MYO9B: variants seen among roughly 807,000 people sequenced by gnomAD.
The protein encoded by MYO9B is unconventional myosin-IXb.
MYO9B carries 71 observed loss-of-function variants against 229.5 expected under a neutral mutation model. The ratio of observed to expected loss-of-function variants is 0.31; its 90% CI spans 0.26 to 0.38. The LOEUF is 0.38. Ranked by LOEUF, MYO9B falls within the 10% of genes least tolerant of loss-of-function variation. The pLI is 1.00. For synonymous variants in MYO9B, 1,185 were observed against 1,235.8 expected (o/e 0.96, Z 0.86); for missense variants, 2,255 against 2,920.5 (o/e 0.77, Z 5.25).
At chr19:17,204,768 A>G (rs1205474951) in intron 30 of MYO9B, among the ~76,000 whole-genome samples, 1 of 152,090 alleles carries the variant, frequency 6.6e-6, no homozygotes, top group East Asian at 1.9e-4. Context: ...TGGGAGGTCA[A>G]GGCTCCAGTG....
chr19:17,112,933 A>G (rs1265234869), intron 2 of MYO9B, among the ~76,000 whole-genome samples: 1 of 152,210 alleles, frequency 6.6e-6, no homozygotes, highest in African/African-American at 2.4e-5. Context: ...ATTGGGGGGC[A>G]TTTCAGGGAT....
rs1426898922 is a variant in MYO9B at position 17,131,788 on chromosome 19, G to A, written c.841-13609G>A. Among the ~76,000 whole-genome samples the A allele has an allele frequency of 3.3e-5, 5 of 152,048 alleles. No homozygotes were observed. In the South Asian group the frequency reaches 6.2e-4, roughly 19 times the overall value. ...TCTACGTTAGTTTTACCTAGAAACC[G>A]TGACTGGGGGGAAGCTGAATTATGA... On this transcript the variant is annotated intron_variant, in intron 2 of 39. Transcript: ENST00000682292.
chr19:17,118,120 G>C (rs1266960300), intron 2 of MYO9B, among the ~76,000 whole-genome samples: 1 of 151,962 alleles, frequency 6.6e-6, no homozygotes, highest in South Asian at 2.1e-4. Context: ...TAGAGGCCAA[G>C]ATGCTGCTAA....
At chr19:17,145,949 TG>T (rs2072403792) in intron 3 of MYO9B, among the ~76,000 whole-genome samples, 3 of 150,250 alleles carry the variant, frequency 2.0e-5, no homozygotes, top group Non-Finnish European at 4.4e-5. Context: ...GATGGATGGA[TG>T]GATGATGGAT....
intron 14 of MYO9B, among the ~76,000 whole-genome samples, chr19:17,178,668 T>G (rs2072818360): frequency 6.6e-6 from 1 of 152,166 alleles, no homozygotes; most frequent in Non-Finnish European, 1.5e-5. Context: ...TGCTCAAGCC[T>G]AAGCCCACAG....
At chr19:17,132,025 A>G (rs948645765) in intron 2 of MYO9B, among the ~76,000 whole-genome samples, 1 of 151,472 alleles carries the variant, frequency 6.6e-6, no homozygotes, top group Admixed American at 6.6e-5. Context: ...GACTAGAGGC[A>G]TGCATCACCA....
rs747369669 is a variant in MYO9B, at chr19:17,195,196, G to A, written c.3769G>A (p.Asp1257Asn). 4.8e-5 allele frequency: 78 copies of A among 1,611,756 alleles called. No homozygotes were observed. The African/African-American group carries it at 9.0e-4, about 18-fold the overall frequency. The change falls in exon 22 of 40, where the codon GAC becomes AAC. Residue 1257 changes from aspartate (D) to asparagine (N), a missense_variant. Asp to Asn is a conservative substitution (Grantham distance 23). This residue lies in a region of MYO9B where 679 missense variants were observed against 770.2 expected (regional missense o/e 0.88). Transcript: ENST00000682292. The surrounding 1 kb of genome is among the most constrained non-coding windows in gnomAD (Gnocchi z 4.5). ...GGAGCGGCCGACCAGCCTGGCCCTG[G>A]ACAGCAGGGTCAGCCCACCGGCCCC... ...QLERPTSLALDSRVSPPAPGS... is the reference protein window; with the variant it reads ...QLERPTSLALNSRVSPPAPGS...
chr19:17,152,540 A>T, intron 3 of MYO9B, 104 bp from the exon 4 acceptor site: 1 of 912,602 alleles, frequency 1.1e-6, no homozygotes, highest in Non-Finnish European at 1.6e-6. Flanking sequence ...TCCAGCCTGA[A>T]CAACAGAGCG....
intron 11 of MYO9B, among the ~76,000 whole-genome samples, chr19:17,171,942 CA>C (rs1217109140): frequency 3.3e-5 from 5 of 152,146 alleles, no homozygotes; most frequent in African/African-American, 1.2e-4. Flanking sequence ...TCCAAAGAAA[CA>C]AATATTTTTC....
intron 14 of MYO9B, among the ~76,000 whole-genome samples, chr19:17,176,593 G>A (rs1417538880): frequency 6.6e-6 from 1 of 152,194 alleles, no homozygotes; most frequent in East Asian, 1.9e-4. Context: ...GCAGGCCGTG[G>A]TGCATCATGC....
chr19:17,189,891 G>A (rs1041566666), intron 19 of MYO9B, among the ~76,000 whole-genome samples: 23 of 151,686 alleles, frequency 1.5e-4, no homozygotes, highest in African/African-American at 5.1e-4. Context: ...GTGAAACCCC[G>A]TCTCTACTAA....
chr19:17,101,670 C>CTTCTA lies in MYO9B; in HGVS notation c.-48_-47insTTCTA. The CTTCTA allele has an allele frequency of 6.7e-7, 1 of 1,501,982 alleles. No homozygotes were observed. Among genetic ancestry groups the CTTCTA allele is most frequent in the Non-Finnish European group, 8.9e-7 (1 of 1,129,238 alleles). 93.0% of individuals were successfully genotyped at this position (1,501,982 alleles called of 1,614,324 possible). A position where few individuals can be genotyped will look rare whatever the true frequency, so the allele number is the denominator to read the frequency against. ...TGACCTCCCTTCTAGCTCCAGGACA[C>CTTCTA]GCGCGCCCCGAGCCTGGGAGGCATG... On this transcript the variant is annotated 5_prime_UTR_variant, in exon 2 of 40. Transcript: ENST00000682292. The surrounding 1 kb of genome is among the most constrained non-coding windows in gnomAD (Gnocchi z 4.7).
intron 8 of MYO9B, among the ~76,000 whole-genome samples, chr19:17,161,655 A>C (rs1424267416): frequency 6.6e-6 from 1 of 152,020 alleles, no homozygotes; most frequent in Non-Finnish European, 1.5e-5. Flanking sequence ...GTTTCTACTA[A>C]AAATACAAAA....
In MYO9B at chr19:17,150,630, C is replaced by A. The variant is rs780789350; in HGVS notation, c.936-2014C>A. Reference sequence around the variant, plus strand: ...ACCGGCCCCACCAGACTTAGCCAGCCCCAGCTGGTGCGAAAGGATCCCACC... The same window carrying A: ...ACCGGCCCCACCAGACTTAGCCAGCACCAGCTGGTGCGAAAGGATCCCACC... On this transcript the variant is annotated intron_variant, in intron 3 of 39. Coordinates refer to ENST00000682292, the MANE Select transcript of MYO9B (RefSeq NM_004145.4). 8.0e-4 allele frequency among the ~76,000 whole-genome samples: 82 copies of A among 102,476 alleles called. 11 individuals are homozygous for A. The highest frequency in any genetic ancestry group is 2.0e-3 in the Non-Finnish European group (75 of 37,888). The allele number at this position is 102,476 out of a possible 152,430, so 67.2% of individuals were successfully genotyped here.
intron 11 of MYO9B, among the ~76,000 whole-genome samples, chr19:17,170,849 A>AAAAAAT (rs55885670): frequency 1.3e-5 from 2 of 149,660 alleles, no homozygotes; most frequent in Non-Finnish European, 3.0e-5. Flanking sequence ...AAAAAAAAAA[A>AAAAAAT]GTAGAGACGG....
At chr19:17,105,872 AAC>A (rs1190622747) in intron 2 of MYO9B, among the ~76,000 whole-genome samples, 2 of 152,192 alleles carry the variant, frequency 1.3e-5, no homozygotes, top group Non-Finnish European at 1.5e-5. Flanking sequence ...CTGTGCAAGT[AAC>A]ACAGAGATTC....
intron 2 of MYO9B, among the ~76,000 whole-genome samples, chr19:17,119,470 G>A (rs555253620): frequency 3.3e-4 from 50 of 152,310 alleles, no homozygotes; most frequent in Admixed American, 7.2e-4. Flanking sequence ...CAGCAGGGAG[G>A]CCGAGGAGGG....
In MYO9B at chr19:17,192,805, G is replaced by A. The variant is rs2073000055; in HGVS notation, c.2871G>A (p.Val957=). ...ALQETLHREV[V]RKILLLQSWF... is the part of the protein sequence containing the mutation. The stretch of plus-strand genomic sequence containing the variant: ...AGGAGACGCTGCACCGGGAGGTGGT[G>A]CGGAAAATCCTGCTGCTGCAGAGCT... Residue 957 remains valine (V), a synonymous_variant, in exon 21 of 40, where the codon GTG becomes GTA. Coordinates refer to ENST00000682292, the MANE Select transcript of MYO9B (RefSeq NM_004145.4). 3.9e-6 allele frequency: 6 copies of A among 1,557,758 alleles called. No homozygotes were observed. The highest frequency in any genetic ancestry group is 2.4e-5 in the East Asian group (1 of 41,376).
intron 2 of MYO9B, among the ~76,000 whole-genome samples, chr19:17,120,198 C>T (rs995100842): frequency 3.3e-5 from 5 of 152,162 alleles, no homozygotes; most frequent in East Asian, 1.9e-4. Context: ...CCTCTGGGCT[C>T]AGGGCAGTGC....
Sources: allele counts gnomAD v4.1 joint callset (sites outside exome capture counted in the v4.1 genomes callset), GRCh38; gene constraint gnomAD v4.1.1; regional missense constraint gnomAD v4.1.1; non-coding constraint Gnocchi (gnomAD v3.1); transcripts MANE v1.5; gene names NCBI Gene and HGNC (gene_info 2026-07-23, HGNC 2026-07-21).